Variants in ZNF91 observed in about 807,000 individuals in gnomAD.
ZNF91 encodes the protein zinc finger protein 91, also known as zinc finger protein 91 (HPF7, HTF10).
Under a neutral mutation model 12.6 loss-of-function variants are expected in ZNF91, and 7 were observed. That is an observed-to-expected ratio of 0.55 (90% CI 0.31 to 1.04). The LOEUF is 1.04. Among genes scored for constraint, ZNF91 ranks in the 50% least tolerant of loss-of-function variants. ZNF91 has a pLI of 0.05. For missense variants in ZNF91, 1,217 were observed against 1,385.4 expected (o/e 0.88, Z 1.93); for synonymous variants, 453 against 462.6 (o/e 0.98, Z 0.27).
chr19:23,330,128 C>T (rs1174396970), intron 1 of ZNF91, among the ~76,000 whole-genome samples: 1 of 152,040 alleles, frequency 6.6e-6, no homozygotes, highest in Non-Finnish European at 1.5e-5. Flanking sequence ...GTCAGGAGTT[C>T]GAGACCAGCT....
intron 1 of ZNF91, chr19:23,325,516 T>C (rs1967819337): frequency 6.6e-6 from 1 of 152,196 alleles, no homozygotes; most frequent in South Asian, 2.1e-4. Flanking sequence ...GAAGCAGTGA[T>C]CTTTTGTCAT....
chr19:23,384,919 A>C (rs956013008), intron 1 of ZNF91: 2 of 783,984 alleles, frequency 2.6e-6, no homozygotes, highest in African/African-American at 3.4e-5. Context: ...CTTTAATTCC[A>C]AACAGGAGTC....
At chr19:23,324,307 TTC>T (rs768617113) in intron 1 of ZNF91, 2 of 151,752 alleles carry the variant, frequency 1.3e-5, no homozygotes, top group African/African-American at 4.9e-5. Flanking sequence ...CTTCTAGTTC[TTC>T]TCTTTCCTCC....
intron 3 of ZNF91, among the ~76,000 whole-genome samples, chr19:23,362,974 C>A (rs372080822): frequency 6.6e-6 from 1 of 152,110 alleles, no homozygotes; most frequent in Non-Finnish European, 1.5e-5. Context: ...CCTGGGTTCA[C>A]GCCATTACCC....
At chr19:23,364,448 G>GA (rs60439749) in intron 3 of ZNF91, among the ~76,000 whole-genome samples, 18 of 146,866 alleles carry the variant, frequency 1.2e-4, no homozygotes, top group African/African-American at 1.5e-4. Context: ...TCCATCTCAA[G>GA]AAAAAAAAAA....
Position 23,361,400 on chromosome 19 carries a change from A to G in ZNF91, c.1579T>C (p.Phe527Leu). Residue 527 changes from phenylalanine (F) to leucine (L), a missense_variant, in exon 4 of 4, where the codon TTT (phenylalanine) becomes CTT (leucine). Around this residue, in one of 2 missense-constraint regions of ZNF91, gnomAD observed 726 missense variants for 895.5 expected, o/e 0.81. Coordinates refer to ENST00000300619, the MANE Select transcript of ZNF91 (RefSeq NM_003430.4). The stretch of plus-strand genomic sequence containing the variant: ...TTATTAAGGGTTAAGGATTGTCTAA[A>G]AGCTTTGCCACATTCTTCAAATTTG... ...PYKFEECGKAFRQSLTLNKHK... is the reference protein window; with the variant it reads ...PYKFEECGKALRQSLTLNKHK... 6.2e-7 allele frequency: 1 copy of G among 1,613,592 alleles called. No homozygotes were observed. Among genetic ancestry groups the G allele is most frequent in the South Asian group, 1.1e-5 (1 of 91,052 alleles).
At chr19:23,387,735 T>C (rs1475729673) in intron 1 of ZNF91, among the ~76,000 whole-genome samples, 4 of 149,988 alleles carry the variant, frequency 2.7e-5, no homozygotes. Flanking sequence ...AGGTCAGGAG[T>C]TCAAGACTAG....
chr19:23,352,663 G>C (rs1968396636), intron 3 of ZNF91, among the ~76,000 whole-genome samples: 2 of 152,116 alleles, frequency 1.3e-5, no homozygotes, highest in South Asian at 4.1e-4. Context: ...AAAGGACACA[G>C]AACTGCAGAA....
intron 3 of ZNF91, among the ~76,000 whole-genome samples, chr19:23,370,759 G>C (rs557162703): frequency 6.6e-6 from 1 of 152,094 alleles, no homozygotes; most frequent in Non-Finnish European, 1.5e-5. Flanking sequence ...TCCTGTCCTG[G>C]CCTCTCAAAA....
downstream of ZNF91, among the ~76,000 whole-genome samples, chr19:23,354,246 C>T (rs1018518461): frequency 6.6e-6 from 1 of 152,086 alleles, no homozygotes; most frequent in Non-Finnish European, 1.5e-5. Context: ...TATCCAACAA[C>T]ATGTCGAAAA....
At chr19:23,346,532 CTT>C (rs753835181) in intron 3 of ZNF91, among the ~76,000 whole-genome samples, 4 of 152,166 alleles carry the variant, frequency 2.6e-5, no homozygotes, top group Admixed American at 1.3e-4. Context: ...CTTTTTCTCT[CTT>C]GTTTAACTGA....
chr19:23,359,240 T>C lies in ZNF91; in HGVS notation c.*163A>G, dbSNP rs78466301. 4 of 395,988 alleles carry C rather than the reference T, an allele frequency of 1.0e-5. No homozygotes were observed. The highest frequency in any genetic ancestry group is 1.8e-5 in the Non-Finnish European group (4 of 217,780). 24.5% of individuals were successfully genotyped at this position (395,988 alleles called of 1,614,324 possible). On this transcript the variant is annotated 3_prime_UTR_variant, in exon 4 of 4. Coordinates refer to ENST00000300619, the MANE Select transcript of ZNF91 (RefSeq NM_003430.4). ...GTATGAATTTTCTTTTTTTTTTTTT[T>C]GAGACGGAGTCTCGCTCTGTCGCCC...
At chr19:23,371,443 TA>T (rs758144272) in intron 3 of ZNF91, among the ~76,000 whole-genome samples, 2 of 152,172 alleles carry the variant, frequency 1.3e-5, no homozygotes, top group Non-Finnish European at 2.9e-5. Flanking sequence ...AAAACACACA[TA>T]TATAATCTGA....
chr19:23,379,712 C>A (rs1379977027), intron 1 of ZNF91, among the ~76,000 whole-genome samples: 1 of 152,274 alleles, frequency 6.6e-6, no homozygotes. Flanking sequence ...TTAAGGTAGA[C>A]TTTCACTCTT....
At chr19:23,384,638 CT>C in intron 1 of ZNF91, 1 of 706,020 alleles carries the variant, frequency 1.4e-6, no homozygotes, top group Non-Finnish European at 2.2e-6. Context: ...CTCTTGGAGG[CT>C]TTTGCCATAC....
In ZNF91 at chr19:23,361,383, G is replaced by C. The variant is rs1322228755; in HGVS notation, c.1596C>G (p.Thr532=). The C allele has an allele frequency of 1.2e-6, 2 of 1,613,240 alleles. No homozygotes were observed. Among genetic ancestry groups the C allele is most frequent in the East Asian group, 4.5e-5 (2 of 44,800 alleles). ...TATGAATTATCTTATGTTTATTAAG[G>C]GTTAAGGATTGTCTAAAAGCTTTGC... ...ECGKAFRQSL[T]LNKHKIIHSR... The change falls in exon 4 of 4, where the codon ACC becomes ACG. Residue 532 remains threonine (T), a synonymous_variant. Coordinates refer to ENST00000300619, the MANE Select transcript of ZNF91 (RefSeq NM_003430.4).
At chr19:23,309,160 G>T (rs1245230347) in intron 1 of ZNF91, 1 of 150,202 alleles carries the variant, frequency 6.7e-6, no homozygotes, top group Non-Finnish European at 1.5e-5. Flanking sequence ...CCTAGGTAAT[G>T]TAACTCTTCT....
At chr19:23,323,098 C>T (rs1403045572) in intron 1 of ZNF91, among the ~76,000 whole-genome samples, 2 of 148,112 alleles carry the variant, frequency 1.4e-5, no homozygotes. Context: ...TCCTCCCCTC[C>T]CCTTGTCTCC....
rs762216406 is a variant in ZNF91, at chr19:23,361,028, T to C, written c.1951A>G (p.Ile651Val). Residue 651 changes from isoleucine to valine, a missense_variant, in exon 4 of 4, where the codon ATT becomes GTT. Transcript: ENST00000300619. ...TTGTAGGGTTTCTCTCCAGTATGAATTCTCTTATGTTTAGCAAGGGCTGAA... is the reference window on the plus strand; with the variant it reads ...TTGTAGGGTTTCTCTCCAGTATGAACTCTCTTATGTTTAGCAAGGGCTGAA... ...HSSALAKHKRIHTGEKPYKCK... is the reference protein window; with the variant it reads ...HSSALAKHKRVHTGEKPYKCK... 33 of 1,603,384 alleles carry C rather than the reference T, an allele frequency of 2.1e-5. No homozygotes were observed. Among genetic ancestry groups the C allele is most frequent in the Non-Finnish European group, 2.6e-5 (30 of 1,171,576 alleles).
Sources: allele counts gnomAD v4.1 joint callset (sites outside exome capture counted in the v4.1 genomes callset), GRCh38; gene constraint gnomAD v4.1.1; regional missense constraint gnomAD v4.1.1; transcripts MANE v1.5; gene names NCBI Gene and HGNC (gene_info 2026-07-23, HGNC 2026-07-21).